Variants in NTRK2 observed in about 807,000 individuals in gnomAD.
The protein encoded by NTRK2 is neurotrophic receptor tyrosine kinase 2, also known as BDNF/NT-3 growth factors receptor.
Under a neutral mutation model 94.5 loss-of-function variants are expected in NTRK2, and 13 were observed. The observed-to-expected ratio is 0.14, with a 90% CI of 0.09 to 0.22. The LOEUF (loss-of-function observed/expected upper bound fraction) is 0.22, where lower values mean the gene tolerates loss of function less well. Among genes scored for constraint, NTRK2 ranks in the 10% least tolerant of loss-of-function variants. NTRK2 has a pLI of 1.00. For missense variants in NTRK2, 639 were observed against 1,071.2 expected, an observed-to-expected ratio of 0.60 and a Z score of 5.63; for synonymous variants, 372 against 407.4, an observed-to-expected ratio of 0.91 and a Z score of 1.05.
intron 12 of NTRK2, among the ~76,000 whole-genome samples, chr9:84,774,213 A>T (rs987171197): frequency 2.6e-5 from 4 of 152,116 alleles, no homozygotes; most frequent in Admixed American, 6.6e-5. Context: ...AATGGAGGGG[A>T]CTGGACCCAT....
intron 15 of NTRK2, among the ~76,000 whole-genome samples, chr9:84,937,985 CAT>C (rs2078269462): frequency 6.6e-6 from 1 of 152,050 alleles, no homozygotes; most frequent in Non-Finnish European, 1.5e-5. Context: ...TTTCTAGAAA[CAT>C]AAAATGCTGA....
chr9:84,684,778 T>C (rs2059608128), intron 2 of NTRK2, among the ~76,000 whole-genome samples: 1 of 152,246 alleles, frequency 6.6e-6, no homozygotes, highest in Admixed American at 6.5e-5. Flanking sequence ...CGTATGTTTG[T>C]AAGTCATTGG....
chr9:84,783,950 G>A (rs116749809), intron 12 of NTRK2, among the ~76,000 whole-genome samples: 1,902 of 152,228 alleles, frequency 0.012, 39 homozygotes, highest in African/African-American at 0.043. Context: ...GGAGATGGAG[G>A]TTGGAAGACT....
chr9:84,744,012 C>T (rs1033869421), intron 10 of NTRK2, among the ~76,000 whole-genome samples: 1 of 152,128 alleles, frequency 6.6e-6, no homozygotes, highest in Non-Finnish European at 1.5e-5. Context: ...ATGATTCTAC[C>T]TGGAGAAGTT....
chr9:84,948,567 G>A lies in NTRK2; in HGVS notation c.1870G>A (p.Val624Met), dbSNP rs1194954580. The A allele has an allele frequency of 7.4e-6, 12 of 1,613,958 alleles. No homozygotes were observed. Among genetic ancestry groups the A allele is most frequent in the East Asian group, 2.2e-5 (1 of 44,876 alleles). Residue 624 changes from valine (V) to methionine (M), a missense_variant, in exon 16 of 19, where the codon GTG becomes ATG. Transcript: ENST00000277120. ...EHIVKFYGVC[V>M]EGDPLIMVFE... ...CATCGTCAAGTTCTATGGCGTCTGC[G>A]TGGAGGGCGACCCCCTCATCATGGT... is the stretch of plus-strand genomic sequence containing the variant.
intron 4 of NTRK2, among the ~76,000 whole-genome samples, chr9:84,706,622 C>G (rs974149400): frequency 7.1e-6 from 1 of 141,804 alleles, no homozygotes; most frequent in East Asian, 2.3e-4. Context: ...CTCTGCCTCC[C>G]GGGTTCATGC....
intron 12 of NTRK2, among the ~76,000 whole-genome samples, chr9:84,848,128 G>A (rs2074565177): frequency 6.6e-6 from 1 of 151,084 alleles, no homozygotes; most frequent in African/African-American, 2.4e-5. Flanking sequence ...CATATGCTCT[G>A]GTGTCCATTC....
intron 13 of NTRK2, among the ~76,000 whole-genome samples, chr9:84,862,897 C>T (rs1242254153): frequency 6.6e-6 from 1 of 152,112 alleles, no homozygotes; most frequent in East Asian, 1.9e-4. Context: ...TTGTCAAGTA[C>T]TTGGCCCTGG....
chr9:84,907,471 C>T lies in NTRK2; in HGVS notation c.1634-26691C>T, dbSNP rs137867015. Among the ~76,000 whole-genome samples the T allele has an allele frequency of 1.8e-4, 28 of 152,244 alleles. No homozygotes were observed. In the East Asian group the frequency reaches 1.9e-3, roughly 11 times the overall value. On this transcript the variant is annotated intron_variant, in intron 14 of 18. Coordinates refer to ENST00000277120, the MANE Select transcript of NTRK2 (RefSeq NM_006180.6). Reference sequence around the variant, plus strand: ...AGCAGCAACAATAAGCAAACAGAAACGTTCTCTCTGAGTTCATTTACTTCT... The same window carrying T: ...AGCAGCAACAATAAGCAAACAGAAATGTTCTCTCTGAGTTCATTTACTTCT...
chr9:84,897,740 T>C (rs988454411), intron 14 of NTRK2, among the ~76,000 whole-genome samples: 1 of 152,262 alleles, frequency 6.6e-6, no homozygotes, highest in Admixed American at 6.5e-5. Flanking sequence ...TCTTCAGGGC[T>C]GCTCTGCCTG....
chr9:84,938,837 G>A (rs139254860), intron 15 of NTRK2, among the ~76,000 whole-genome samples: 1 of 152,044 alleles, frequency 6.6e-6, no homozygotes, highest in Non-Finnish European at 1.5e-5. Context: ...AATTGCTTGA[G>A]CTCAGGAGTT....
At chr9:84,872,200 A>G (rs2075891192) in intron 14 of NTRK2, 2 of 1,151,688 alleles carry the variant, frequency 1.7e-6, no homozygotes, top group Non-Finnish European at 1.1e-6. Context: ...AGTAAAATTT[A>G]CAAACTCAGC....
chr9:84,999,741 A>G (rs1333726888), intron 17 of NTRK2, among the ~76,000 whole-genome samples: 1 of 152,046 alleles, frequency 6.6e-6, no homozygotes, highest in Non-Finnish European at 1.5e-5. Flanking sequence ...CATTGCCAAG[A>G]CTCCTGCACA....
chr9:84,953,901 T>C (rs973061515), intron 16 of NTRK2, among the ~76,000 whole-genome samples: 1 of 152,216 alleles, frequency 6.6e-6, no homozygotes, highest in African/African-American at 2.4e-5. Flanking sequence ...ATGAAAGATC[T>C]GGTGACAGAA....
intron 12 of NTRK2, among the ~76,000 whole-genome samples, chr9:84,774,484 G>C (rs2066847137): frequency 6.6e-6 from 1 of 152,228 alleles, no homozygotes; most frequent in Non-Finnish European, 1.5e-5. Context: ...GAGGCTCAGA[G>C]AGGTTATGTG....
intron 5 of NTRK2, among the ~76,000 whole-genome samples, chr9:84,708,271 G>A (rs2061231239): frequency 1.3e-5 from 2 of 152,102 alleles, no homozygotes; most frequent in African/African-American, 2.4e-5. Flanking sequence ...GTTCCTGTTG[G>A]ATCCAGGCCC....
At chr9:84,960,016 A>G (rs992854566) in intron 17 of NTRK2, among the ~76,000 whole-genome samples, 8 of 152,184 alleles carry the variant, frequency 5.3e-5, no homozygotes, top group African/African-American at 1.9e-4. Context: ...TTTATGTTGG[A>G]GTGGTAAGAA....
At chr9:84,984,378 A>G (rs893207713) in intron 17 of NTRK2, among the ~76,000 whole-genome samples, 5 of 152,202 alleles carry the variant, frequency 3.3e-5, no homozygotes, top group African/African-American at 1.2e-4. Flanking sequence ...TGGCTGAGGC[A>G]TGAGAATCGC....
At chr9:84,832,264 G>A (rs548603248) in intron 12 of NTRK2, among the ~76,000 whole-genome samples, 1 of 152,272 alleles carries the variant, frequency 6.6e-6, no homozygotes, top group Admixed American at 6.5e-5. Context: ...ACCCACACAG[G>A]GATGCTAGGC....
Sources: gnomAD v4.1 joint callset for allele counts (sites outside exome capture counted in the v4.1 genomes callset) on GRCh38, gnomAD v4.1.1 for gene constraint, MANE v1.5 for transcripts, NCBI Gene and HGNC (gene_info 2026-07-23, HGNC 2026-07-21) for gene names.